Variants in GPC5 observed in about 807,000 individuals in gnomAD.
The protein encoded by GPC5 is glypican 5, also known as glypican-5.
A neutral mutation model predicts 53.9 loss-of-function variants in GPC5; 47 were observed. The observed-to-expected ratio is 0.87, with a 90% confidence interval of 0.69 to 1.11. GPC5 has a LOEUF of 1.11. GPC5 is among the 50% of genes most tolerant of loss of function. GPC5 has a pLI of 0.00. For synonymous variants in GPC5, 286 were observed against 263.3 expected (o/e 1.09, Z -0.84); for missense variants, 748 against 713.1 (o/e 1.05, Z -0.56).
intron 6 of GPC5, among the ~76,000 whole-genome samples, chr13:92,061,200 C>G (rs959569952): frequency 1.3e-5 from 2 of 151,942 alleles, no homozygotes; most frequent in Non-Finnish European, 2.9e-5. Context: ...ATTACATAAA[C>G]CAAGAGATGA....
intron 1 of GPC5, among the ~76,000 whole-genome samples, chr13:91,441,797 AG>A (rs1275892645): frequency 2.0e-5 from 3 of 152,292 alleles, no homozygotes; most frequent in Admixed American, 6.5e-5. Flanking sequence ...GTCTCCAAAA[AG>A]GTAGGAGGAG....
At chr13:91,690,611 TTAAAGA>T (rs1176781211) in intron 2 of GPC5, among the ~76,000 whole-genome samples, 2 of 152,236 alleles carry the variant, frequency 1.3e-5, no homozygotes, top group African/African-American at 4.8e-5. Flanking sequence ...TTAGGGCTAC[TTAAAGA>T]TAAACTCCAT....
chr13:92,171,015 C>T (rs2042066814), intron 7 of GPC5, among the ~76,000 whole-genome samples: 1 of 151,802 alleles, frequency 6.6e-6, no homozygotes, highest in Non-Finnish European at 1.5e-5. Context: ...TGTGTAGAAG[C>T]TGCTACACAC....
At chr13:91,501,430 G>A (rs1884630876) in intron 2 of GPC5, among the ~76,000 whole-genome samples, 1 of 151,804 alleles carries the variant, frequency 6.6e-6, no homozygotes, top group African/African-American at 2.4e-5. Context: ...AGTGTGTGAT[G>A]CTCCCCTTCC....
At chr13:92,125,076 G>C (rs2041684035) in intron 6 of GPC5, among the ~76,000 whole-genome samples, 1 of 152,134 alleles carries the variant, frequency 6.6e-6, no homozygotes, top group Non-Finnish European at 1.5e-5. Context: ...CCTCTCGCTT[G>C]CTTGCTTTGA....
At chr13:91,921,460 G>A (rs936968940) in intron 6 of GPC5, among the ~76,000 whole-genome samples, 1 of 152,062 alleles carries the variant, frequency 6.6e-6, no homozygotes, top group Non-Finnish European at 1.5e-5. Context: ...ATCTGCTAGA[G>A]CACTTGAGAA....
At chr13:92,578,067 A>G (rs1883245192) in intron 7 of GPC5, among the ~76,000 whole-genome samples, 1 of 152,166 alleles carries the variant, frequency 6.6e-6, no homozygotes, top group Admixed American at 6.5e-5. Context: ...AAAATCCTGA[A>G]TGTACTTACC....
intron 7 of GPC5, among the ~76,000 whole-genome samples, chr13:92,584,461 T>G (rs1313726182): frequency 6.6e-6 from 1 of 152,168 alleles, no homozygotes; most frequent in Non-Finnish European, 1.5e-5. Context: ...CAAAAGACAT[T>G]TATAAGCAGC....
intron 2 of GPC5, among the ~76,000 whole-genome samples, chr13:91,474,205 T>A (rs1317649432): frequency 6.6e-6 from 1 of 152,200 alleles, no homozygotes; most frequent in Non-Finnish European, 1.5e-5. Flanking sequence ...TTTGTAAATC[T>A]ATTTTATTCT....
At chr13:91,594,444 A>G (rs1201859750) in intron 2 of GPC5, among the ~76,000 whole-genome samples, 1 of 152,208 alleles carries the variant, frequency 6.6e-6, no homozygotes, top group Non-Finnish European at 1.5e-5. Flanking sequence ...ATGGAAACCT[A>G]CTTAAATAGT....
At chr13:91,634,818 T>C (rs1345623953) in intron 2 of GPC5, among the ~76,000 whole-genome samples, 1 of 152,082 alleles carries the variant, frequency 6.6e-6, no homozygotes, top group Non-Finnish European at 1.5e-5. Context: ...TTCCATTTAA[T>C]AAATGCATAT....
chr13:91,749,375 G>A (rs1594517731), intron 4 of GPC5, among the ~76,000 whole-genome samples: 1 of 152,194 alleles, frequency 6.6e-6, no homozygotes, highest in East Asian at 1.9e-4. Flanking sequence ...TTTTATGGCT[G>A]AGTAGTATTC....
At chr13:92,160,776 T>A (rs914255380) in intron 7 of GPC5, among the ~76,000 whole-genome samples, 1 of 152,134 alleles carries the variant, frequency 6.6e-6, no homozygotes, top group Non-Finnish European at 1.5e-5. Context: ...AATTCATAAA[T>A]GAATAATAAA....
At chr13:92,496,037 A>G (rs1879965670) in intron 7 of GPC5, among the ~76,000 whole-genome samples, 1 of 152,132 alleles carries the variant, frequency 6.6e-6, no homozygotes. Flanking sequence ...TCTACAATGA[A>G]CTAGCATGTA....
intron 7 of GPC5, among the ~76,000 whole-genome samples, chr13:92,351,640 T>G (rs1425415233): frequency 3.9e-5 from 6 of 152,144 alleles, no homozygotes. Flanking sequence ...TACAAGTGTT[T>G]AACAAGGTTG....
intron 7 of GPC5, among the ~76,000 whole-genome samples, chr13:92,482,481 A>C (rs1879394486): frequency 1.3e-5 from 2 of 152,180 alleles, no homozygotes; most frequent in Admixed American, 6.5e-5. Flanking sequence ...TAAGCTCAAA[A>C]TCCTTAAGTG....
chr13:91,577,198 G>C (rs147968539), intron 2 of GPC5, among the ~76,000 whole-genome samples: 1 of 152,154 alleles, frequency 6.6e-6, no homozygotes, highest in African/African-American at 2.4e-5. Flanking sequence ...CCTTTTAGCC[G>C]CTTAGCTGTC....
chr13:91,629,737 G>A (rs1413884850), intron 2 of GPC5, among the ~76,000 whole-genome samples: 1 of 152,104 alleles, frequency 6.6e-6, no homozygotes, highest in Admixed American at 6.6e-5. Flanking sequence ...TAAAATGTCA[G>A]TAAGAATGTG....
intron 6 of GPC5, among the ~76,000 whole-genome samples, chr13:92,127,327 G>T (rs1233905744): frequency 6.6e-6 from 1 of 151,156 alleles, no homozygotes; most frequent in Non-Finnish European, 1.5e-5. Context: ...ATATGTGTAT[G>T]TGTATATATA....
Sources: gnomAD v4.1 joint callset for allele counts (sites outside exome capture counted in the v4.1 genomes callset) on GRCh38, gnomAD v4.1.1 for gene constraint, MANE v1.5 for transcripts, NCBI Gene and HGNC (gene_info 2026-07-23, HGNC 2026-07-21) for gene names.